ABCA1: variants seen among roughly 807,000 people sequenced by gnomAD.
ABCA1 encodes the protein ATP binding cassette subfamily A member 1.
ABCA1 carries 133 observed loss-of-function variants against 262.5 expected under a neutral mutation model. The observed-to-expected ratio is 0.51, with a 90% CI of 0.44 to 0.59. The LOEUF (loss-of-function observed/expected upper bound fraction) is 0.59. Among genes scored for constraint, ABCA1 ranks in the 20% least tolerant of loss-of-function variants. The probability of loss-of-function intolerance (pLI) is 0.00; values close to 1 mark genes in which losing one functional copy is unlikely to be tolerated. For missense variants in ABCA1, 2,452 were observed against 2,777.5 expected, an observed-to-expected ratio of 0.88 and a Z score of 2.63; for synonymous variants, 1,022 against 1,043.5, an observed-to-expected ratio of 0.98 and a Z score of 0.40.
At chr9:104,867,938 A>T (rs969528637) in intron 5 of ABCA1, among the ~76,000 whole-genome samples, 1 of 152,224 alleles carries the variant, frequency 6.6e-6, no homozygotes, top group Non-Finnish European at 1.5e-5. Flanking sequence ...CTTACCTGAC[A>T]CTGAAAGGAA....
chr9:104,859,774 G>A (rs1393702528), intron 6 of ABCA1, among the ~76,000 whole-genome samples: 1 of 152,142 alleles, frequency 6.6e-6, no homozygotes. Context: ...CAACAGGCCG[G>A]GTGCAGTGGG....
At chr9:104,904,248 G>A (rs113557205) in intron 1 of ABCA1, among the ~76,000 whole-genome samples, 72 of 152,100 alleles carry the variant, frequency 4.7e-4, no homozygotes, top group African/African-American at 1.6e-3. Flanking sequence ...TTTTCAGTGG[G>A]TTATACAACT....
chr9:104,815,016 T>G (rs1013272133), intron 25 of ABCA1, among the ~76,000 whole-genome samples: 3 of 151,798 alleles, frequency 2.0e-5, no homozygotes, highest in African/African-American at 7.3e-5. Context: ...AAAAAAAAAT[T>G]TAAAAAAAGC....
chr9:104,841,916 G>T (rs2472449), intron 8 of ABCA1, among the ~76,000 whole-genome samples: 73,295 of 152,138 alleles, frequency 0.48, 20,685 homozygotes, highest in East Asian at 0.8. Context: ...CATTTCACAA[G>T]AAATCATTAA....
At chr9:104,832,452 G>T in intron 12 of ABCA1, 122 bp downstream of exon 12, 1 of 1,066,898 alleles carries the variant, frequency 9.4e-7, no homozygotes, top group Non-Finnish European at 1.4e-6. Flanking sequence ...AGGCTTGAGG[G>T]ATAGTTTTGT....
intron 2 of ABCA1, among the ~76,000 whole-genome samples, chr9:104,893,421 C>CAAAAA (rs34544647): frequency 0.034 from 1,191 of 34,852 alleles, 33 homozygotes; most frequent in Non-Finnish European, 0.043. Flanking sequence ...GACTTCACCT[C>CAAAAA]AAAAAAAAAA....
intron 11 of ABCA1, among the ~76,000 whole-genome samples, chr9:104,833,297 T>C (rs772418336): frequency 4.6e-5 from 7 of 152,100 alleles, no homozygotes; most frequent in Non-Finnish European, 8.8e-5. Context: ...TCCTCCCATC[T>C]CAGCCTACCA....
chr9:104,875,043 T>A (rs1436444336), intron 5 of ABCA1, among the ~76,000 whole-genome samples: 1 of 151,738 alleles, frequency 6.6e-6, no homozygotes, highest in Non-Finnish European at 1.5e-5. Flanking sequence ...TTTTGTCGAA[T>A]AGAAAAGGGG....
At chr9:104,804,347 C>G (rs537698196) in intron 32 of ABCA1, among the ~76,000 whole-genome samples, 16 of 152,316 alleles carry the variant, frequency 1.1e-4, no homozygotes, top group South Asian at 4.2e-4. Context: ...AAAGGATAAC[C>G]AGTTACCTGG....
At chr9:104,873,074 A>G (rs780167741) in intron 5 of ABCA1, among the ~76,000 whole-genome samples, 4 of 152,042 alleles carry the variant, frequency 2.6e-5, no homozygotes, top group Non-Finnish European at 4.4e-5. Context: ...TCTGAGATGC[A>G]GCCTGGCTTT....
chr9:104,885,671 G>A (rs183271812), intron 3 of ABCA1, among the ~76,000 whole-genome samples: 89 of 152,234 alleles, frequency 5.8e-4, no homozygotes, highest in African/African-American at 2.0e-3. Context: ...CCTAGGATTC[G>A]GTCTGGCACA....
At chr9:104,863,251 A>G (rs945856763) in intron 5 of ABCA1, among the ~76,000 whole-genome samples, 2 of 152,150 alleles carry the variant, frequency 1.3e-5, no homozygotes, top group Admixed American at 6.5e-5. Context: ...TAGGAGCCCT[A>G]TGACTCCGAA....
chr9:104,844,007 A>G (rs1238878967), intron 8 of ABCA1, among the ~76,000 whole-genome samples: 1 of 143,806 alleles, frequency 7.0e-6, no homozygotes, highest in East Asian at 2.0e-4. Flanking sequence ...ACCTGCTTCC[A>G]ATTTTTTTTT....
At chr9:104,806,602 C>A (rs1322481696) in intron 30 of ABCA1, among the ~76,000 whole-genome samples, 172 bp from the exon 31 acceptor site, 1 of 152,222 alleles carries the variant, frequency 6.6e-6, no homozygotes, top group Non-Finnish European at 1.5e-5. Context: ...CAGCCTTGTA[C>A]ACTGTGACAT....
In ABCA1 at chr9:104,796,293, C is replaced by A. The variant is rs766116368; in HGVS notation, c.5237+16G>T. On this transcript the variant is annotated intron_variant, in intron 38 of 49. Coordinates refer to ENST00000374736, the MANE Select transcript of ABCA1 (RefSeq NM_005502.4). ...CCTTATCCACTGTGCAGCTCCCTCACTCAGAGGTGACTTACCCATACAGCA... is the reference window on the plus strand; with the variant it reads ...CCTTATCCACTGTGCAGCTCCCTCAATCAGAGGTGACTTACCCATACAGCA... 1 of 1,614,084 alleles carries A rather than the reference C, an allele frequency of 6.2e-7. No homozygotes were observed. Among genetic ancestry groups the A allele is most frequent in the Non-Finnish European group, 8.5e-7 (1 of 1,179,924 alleles).
intron 1 of ABCA1, among the ~76,000 whole-genome samples, chr9:104,907,876 G>A (rs1841267601): frequency 6.6e-6 from 1 of 152,164 alleles, no homozygotes; most frequent in South Asian, 2.1e-4. Flanking sequence ...ATCACTCCTT[G>A]CCAAAATGTG....
At chr9:104,820,299 T>C (rs1356937803) in intron 20 of ABCA1, among the ~76,000 whole-genome samples, 1 of 152,220 alleles carries the variant, frequency 6.6e-6, no homozygotes, top group Admixed American at 6.5e-5. Context: ...GCTTCCAACC[T>C]GTTTCCAGCA....
chr9:104,821,261 A>G, intron 20 of ABCA1, 114 bp downstream of exon 20: 1 of 1,464,050 alleles, frequency 6.8e-7, no homozygotes, highest in Non-Finnish European at 9.2e-7. Flanking sequence ...AAAAAGAAAA[A>G]AAGAAAAAAC....
chr9:104,826,348 GT>G (rs1214134431), intron 16 of ABCA1, among the ~76,000 whole-genome samples: 1 of 152,140 alleles, frequency 6.6e-6, no homozygotes, highest in Non-Finnish European at 1.5e-5. Flanking sequence ...TTCCTGATAA[GT>G]GACCTGGGGA....
Sources: gnomAD v4.1 joint callset for allele counts (sites outside exome capture counted in the v4.1 genomes callset) on GRCh38, gnomAD v4.1.1 for gene constraint, MANE v1.5 for transcripts, NCBI Gene and HGNC (gene_info 2026-07-23, HGNC 2026-07-21) for gene names.